KYAT3: variants seen among roughly 807,000 people sequenced by gnomAD.
The protein encoded by KYAT3 is kynurenine aminotransferase 3, also known as kynurenine--oxoglutarate transaminase 3.
A neutral mutation model predicts 59.0 loss-of-function variants in KYAT3; 50 were observed. The observed-to-expected ratio is 0.85, with a 90% confidence interval of 0.68 to 1.07. KYAT3 has a LOEUF of 1.07. Ranked by LOEUF, KYAT3 falls within the 50% of genes least tolerant of loss-of-function variation. The pLI, the probability that KYAT3 is intolerant of heterozygous loss-of-function variation, is 0.00. For synonymous variants in KYAT3, 148 were observed against 177.0 expected (o/e 0.84, Z 1.30); for missense variants, 497 against 533.3 (o/e 0.93, Z 0.67).
the KYAT3 span, among the ~76,000 whole-genome samples, chr1:88,922,224 T>C: frequency 6.6e-6 from 1 of 151,606 alleles, no homozygotes; most frequent in Admixed American, 6.6e-5. Context: ...CCTCTCTCTC[T>C]AAAAAAAAGC....
chr1:88,940,571 A>C (rs1328298493), intron 13 of KYAT3, among the ~76,000 whole-genome samples: 12 of 152,170 alleles, frequency 7.9e-5, no homozygotes, highest in African/African-American at 2.9e-4. Flanking sequence ...GTCTCATAGT[A>C]AAATTTAATA....
intron 2 of KYAT3, among the ~76,000 whole-genome samples, chr1:88,978,921 CTGGGATTGCAGGCA>C (rs1247802609): frequency 3.9e-5 from 6 of 151,924 alleles, no homozygotes; most frequent in African/African-American, 1.5e-4. Context: ...TCTCAAAGTG[CTGGGATTGCAGGCA>C]TGAGCCACCA....
At chr1:88,947,926 T>TA (rs1054114748) in intron 11 of KYAT3, among the ~76,000 whole-genome samples, 2 of 152,012 alleles carry the variant, frequency 1.3e-5, no homozygotes, top group East Asian at 1.9e-4. Context: ...ACCTCGTCTC[T>TA]AAAAAAAATT....
At chr1:88,978,627 A>G (rs1676913247) in intron 2 of KYAT3, among the ~76,000 whole-genome samples, 1 of 151,978 alleles carries the variant, frequency 6.6e-6, no homozygotes, top group South Asian at 2.1e-4. Flanking sequence ...CCTCCTGAGT[A>G]GCTGGGACTA....
At chr1:88,975,726 G>C (rs1003355488) in intron 2 of KYAT3, among the ~76,000 whole-genome samples, 25 of 152,098 alleles carry the variant, frequency 1.6e-4, no homozygotes, top group African/African-American at 5.6e-4. Flanking sequence ...CATATATGAC[G>C]GTAGTCCCAT....
At chr1:88,992,071 C>T (rs11808162) in intron 1 of KYAT3, among the ~76,000 whole-genome samples, 4,734 of 151,806 alleles carry the variant, frequency 0.031, 245 homozygotes, top group African/African-American at 0.11. Flanking sequence ...CTCCGCCTCC[C>T]GGGTTCACGC....
At chr1:88,962,701 G>A (rs1040853839) in intron 5 of KYAT3, among the ~76,000 whole-genome samples, 1 of 152,148 alleles carries the variant, frequency 6.6e-6, no homozygotes, top group Non-Finnish European at 1.5e-5. Flanking sequence ...GTTTCGCCGT[G>A]TTGCCCAGGC....
chr1:88,965,764 T>C (rs888155510), intron 4 of KYAT3, among the ~76,000 whole-genome samples: 1 of 152,304 alleles, frequency 6.6e-6, no homozygotes, highest in African/African-American at 2.4e-5. Flanking sequence ...ATTTTGCTTT[T>C]GAAGTACCAT....
At chr1:88,921,794 C>A in the KYAT3 span, among the ~76,000 whole-genome samples, 2 of 152,172 alleles carry the variant, frequency 1.3e-5, no homozygotes, top group African/African-American at 4.8e-5. Context: ...TAGTTCAAGT[C>A]TGAAGGCCAT....
At chr1:88,983,097 G>T in intron 2 of KYAT3, 2 of 1,612,342 alleles carry the variant, frequency 1.2e-6, no homozygotes, top group Non-Finnish European at 1.7e-6. Flanking sequence ...CCATAATCAC[G>T]GTAAGTATAA....
intron 2 of KYAT3, chr1:88,981,191 G>A (rs1432402597): frequency 6.6e-6 from 1 of 152,166 alleles, no homozygotes; most frequent in East Asian, 1.9e-4. Flanking sequence ...TAGCATGGTT[G>A]TTACTTTCCA....
At chr1:88,944,227 C>T (rs1039231462) in intron 11 of KYAT3, among the ~76,000 whole-genome samples, 2 of 152,136 alleles carry the variant, frequency 1.3e-5, no homozygotes, top group African/African-American at 4.8e-5. Flanking sequence ...TGATGGTTAT[C>T]GTCATCCAGG....
Position 88,976,872 on chromosome 1 carries a change from C to T in KYAT3, c.100-7405G>A, listed in dbSNP as rs796648199. ...AAAATAGAAAAAATTTATAGAATGACATAAAATATTTTTAAATATTTTGTA... is the reference window on the plus strand; with the variant it reads ...AAAATAGAAAAAATTTATAGAATGATATAAAATATTTTTAAATATTTTGTA... On this transcript the variant is annotated intron_variant, in intron 2 of 13. Transcript: ENST00000260508. Among the ~76,000 whole-genome samples the T allele has an allele frequency of 2.6e-5, 4 of 152,112 alleles. No individual in the cohort carries two copies. The South Asian group carries it at 6.2e-4, about 24-fold the overall frequency.
At chr1:88,930,342 A>C in the KYAT3 span, among the ~76,000 whole-genome samples, 786 of 152,362 alleles carry the variant, frequency 5.2e-3, 10 homozygotes, top group African/African-American at 0.018. Flanking sequence ...TTGAAGGGCC[A>C]GTGCTGCGAC....
intron 8 of KYAT3, among the ~76,000 whole-genome samples, chr1:88,958,756 T>C (rs1362491995): frequency 6.6e-6 from 1 of 152,234 alleles, no homozygotes; most frequent in Admixed American, 6.5e-5. Flanking sequence ...TGGCTTCTAA[T>C]TGTTGGATTT....
At chr1:88,925,805 TAAAC>T in the KYAT3 span, among the ~76,000 whole-genome samples, 29 of 151,442 alleles carry the variant, frequency 1.9e-4, no homozygotes, top group South Asian at 8.4e-4. Context: ...ACAGAAATAG[TAAAC>T]AAACAAACAA....
intron 11 of KYAT3, among the ~76,000 whole-genome samples, chr1:88,945,969 C>G (rs1675426149): frequency 6.6e-6 from 1 of 152,166 alleles, no homozygotes; most frequent in Non-Finnish European, 1.5e-5. Flanking sequence ...TATCACCACA[C>G]TAGTTCAAGA....
At chr1:88,983,967 C>G (rs1398606196) in intron 2 of KYAT3, 2 of 917,288 alleles carry the variant, frequency 2.2e-6, no homozygotes, top group South Asian at 3.0e-5. Flanking sequence ...AGCACTACTG[C>G]GCAATCTGGA....
chr1:88,961,984 T>C lies in KYAT3; in HGVS notation c.540+75A>G, dbSNP rs138347313. 1.2e-5 allele frequency: 12 copies of C among 1,013,780 alleles called. No individual in the cohort carries two copies. In the African/African-American group the frequency reaches 1.6e-4, roughly 14 times the overall value. 62.8% of individuals were successfully genotyped at this position (1,013,780 alleles called of 1,614,324 possible). A position where few individuals can be genotyped will look rare whatever the true frequency, so the allele number is the denominator to read the frequency against. ...TGCAATCAAAGTAGAAACTTTATCA[T>C]GACAAAGTAATTGGTATTTTCAAGA... On this transcript the variant is annotated intron_variant, in intron 6 of 13. Coordinates refer to ENST00000260508, the MANE Select transcript of KYAT3 (RefSeq NM_001008661.3).
Sources: allele counts gnomAD v4.1 joint callset (sites outside exome capture counted in the v4.1 genomes callset), GRCh38; gene constraint gnomAD v4.1.1; transcripts MANE v1.5; gene names NCBI Gene and HGNC (gene_info 2026-07-23, HGNC 2026-07-21).